ARL5A: variants seen among roughly 807,000 people sequenced by gnomAD.
ARL5A encodes the protein ADP-ribosylation factor-like protein 5A.
Under a neutral mutation model 25.9 loss-of-function variants are expected in ARL5A, and 18 were observed. That is an observed-to-expected ratio of 0.69 (90% CI 0.48 to 1.03). ARL5A has a LOEUF of 1.03. ARL5A is among the 50% of genes least tolerant of loss of function. ARL5A has a pLI of 0.00. For synonymous variants in ARL5A, 61 were observed against 67.5 expected (o/e 0.90, Z 0.47); for missense variants, 170 against 211.9 (o/e 0.80, Z 1.23).
chr2:151,806,702 C>T (rs1170339005), intron 5 of ARL5A, 119 bp downstream of exon 5: 10 of 1,005,610 alleles, frequency 9.9e-6, no homozygotes, highest in Admixed American at 6.4e-5. Flanking sequence ...CTACAGCTTA[C>T]GTCTGTCCCT....
chr2:151,826,368 CACT>C (rs916429740), intron 1 of ARL5A, among the ~76,000 whole-genome samples: 11 of 152,158 alleles, frequency 7.2e-5, no homozygotes, highest in African/African-American at 2.7e-4. Context: ...GTTATAAAAA[CACT>C]ACTATTAGCA....
chr2:151,800,640 G>A lies in ARL5A; in HGVS notation c.*2636C>T, dbSNP rs1480701065. 5 of 152,140 alleles carry A rather than the reference G, an allele frequency of 3.3e-5. No individual in the cohort carries two copies. The highest frequency in any genetic ancestry group is 2.0e-4 in the Admixed American group (3 of 15,276). The allele number at this position is 152,140 out of a possible 1,614,324, so 9.4% of individuals were successfully genotyped here. A position where few individuals can be genotyped will look rare whatever the true frequency, so the allele number is the denominator to read the frequency against. ...CATTATGAGGACCAAGAGGTACTGG[G>A]AAGATAAAGAGAACTGAAAATTTCA... On this transcript the variant is annotated 3_prime_UTR_variant, in exon 6 of 6. Coordinates refer to ENST00000295087, the MANE Select transcript of ARL5A (RefSeq NM_012097.4).
At chr2:151,818,761 T>C (rs540399261) in intron 1 of ARL5A, among the ~76,000 whole-genome samples, 5 of 152,362 alleles carry the variant, frequency 3.3e-5, no homozygotes, top group African/African-American at 1.2e-4. Flanking sequence ...GTTTTATTAA[T>C]ACACGCACTC....
chr2:151,828,062 A>G (rs1329435603), intron 1 of ARL5A, 69 bp downstream of exon 1: 13 of 1,530,466 alleles, frequency 8.5e-6, no homozygotes, highest in African/African-American at 1.4e-5. Flanking sequence ...AAGTATTCGG[A>G]GACCCCCACC....
chr2:151,820,158 G>A (rs916520290), intron 1 of ARL5A, among the ~76,000 whole-genome samples: 1 of 152,194 alleles, frequency 6.6e-6, no homozygotes, highest in African/African-American at 2.4e-5. Context: ...GTTGCCTACT[G>A]AGGAAAGGAA....
In ARL5A at chr2:151,814,211, T is replaced by G. The variant is rs1189090837; in HGVS notation, c.213A>C (p.Glu71Asp). ...AAGTGTTCCAGGAAGAACGAAGAGA[T>G]TCTTGGCCACCAATATCCCACATTA... The part of the protein sequence containing the change: ...RFLMWDIGGQ[E>D]SLRSSWNTYY... The change falls in exon 3 of 6, where the codon GAA (glutamate) becomes GAC (aspartate). Residue 71 changes from glutamate (E) to aspartate (D), a missense_variant. Glu to Asp is a conservative substitution (Grantham distance 45). Transcript: ENST00000295087. 11 of 1,607,310 alleles carry G rather than the reference T, an allele frequency of 6.8e-6. No individual in the cohort carries two copies. The highest frequency in any genetic ancestry group is 8.5e-6 in the Non-Finnish European group (10 of 1,178,032).
Position 151,816,012 on chromosome 2 carries a change from C to T in ARL5A, c.47-813G>A, listed in dbSNP as rs35801458. Among the ~76,000 whole-genome samples, 888 of 152,294 alleles carry T rather than the reference C, an allele frequency of 5.8e-3. 10 individuals are homozygous for T. Among genetic ancestry groups the T allele is most frequent in the Non-Finnish European group, 7.4e-3 (506 of 68,034 alleles). ...TGGCCTCTGGATAGTCATGCCCTTA[C>T]GTAGCCGCCTCCTCTTGAATCTGGG... On this transcript the variant is annotated intron_variant, in intron 1 of 5. Coordinates refer to ENST00000295087, the MANE Select transcript of ARL5A (RefSeq NM_012097.4).
intron 1 of ARL5A, among the ~76,000 whole-genome samples, chr2:151,820,422 G>T (rs958809839): frequency 6.6e-6 from 1 of 152,108 alleles, no homozygotes; most frequent in African/African-American, 2.4e-5. Flanking sequence ...CACTTTGGGG[G>T]GCTGAGGCGG....
intron 1 of ARL5A, among the ~76,000 whole-genome samples, chr2:151,819,693 C>A: frequency 6.6e-6 from 1 of 151,894 alleles, no homozygotes; most frequent in East Asian, 1.9e-4. Flanking sequence ...TGTCCTAATT[C>A]CAAACCTGGT....
In ARL5A at chr2:151,803,057, C is replaced by T. The variant is rs2099829642; in HGVS notation, c.*219G>A. The stretch of plus-strand genomic sequence containing the variant: ...GATTCATTATGAGAAAAATGTCAAT[C>T]ACAGCTTCAATAACTTACTTTGGAA... On this transcript the variant is annotated 3_prime_UTR_variant, in exon 6 of 6. Transcript: ENST00000295087. 2.0e-6 allele frequency: 1 copy of T among 500,818 alleles called. No individual in the cohort carries two copies. Among genetic ancestry groups the T allele is most frequent in the Admixed American group, 3.7e-5 (1 of 26,920 alleles). The allele number at this position is 500,818 out of a possible 1,614,324, so 31.0% of individuals were successfully genotyped here.
intron 1 of ARL5A, 136 bp from the exon 2 acceptor site, chr2:151,815,335 A>G: frequency 1.5e-6 from 1 of 654,604 alleles, no homozygotes; most frequent in Non-Finnish European, 2.6e-6. Flanking sequence ...ACTTTCTCAG[A>G]AGTCAAAAGA....
At position 151,828,196 on chromosome 2, in the gene ARL5A, C is replaced by CG. The variant is rs767938677; in HGVS notation, c.-21_-20insC. 2.4e-4 allele frequency: 382 copies of CG among 1,605,162 alleles called. No individual in the cohort carries two copies. The highest frequency in any genetic ancestry group is 3.1e-4 in the Non-Finnish European group (365 of 1,176,096). On this transcript the variant is annotated 5_prime_UTR_variant, in exon 1 of 6. Coordinates refer to ENST00000295087, the MANE Select transcript of ARL5A (RefSeq NM_012097.4). Reference sequence around the variant, plus strand: ...TCCCATTCTCGGGCAGCGGACCCCCCCCCTCCAGACACCCGGGCCGCCTGG... The same window carrying CG: ...TCCCATTCTCGGGCAGCGGACCCCCCGCCCTCCAGACACCCGGGCCGCCTGG...
At chr2:151,811,791 T>C (rs189778978) in intron 4 of ARL5A, among the ~76,000 whole-genome samples, 8 of 152,260 alleles carry the variant, frequency 5.3e-5, no homozygotes, top group African/African-American at 1.9e-4. Flanking sequence ...CAGCTGGTCT[T>C]GAACTCTTGG....
intron 4 of ARL5A, among the ~76,000 whole-genome samples, chr2:151,811,032 T>A (rs995172802): frequency 1.2e-4 from 18 of 152,148 alleles, no homozygotes; most frequent in Admixed American, 3.3e-4. Context: ...ATCTGGCGAA[T>A]GAACACAGAA....
chr2:151,828,332 GAA>G lies in ARL5A; in HGVS notation c.-158_-157del. ...GCTTCCAGGGAACCGGAGGGAGGCC[GAA>G]GCCCAGGCCGCCCTGCCGCGCGCAA... On this transcript the variant is annotated 5_prime_UTR_variant, in exon 1 of 6. An upstream open reading frame in the 5' UTR loses its in-frame stop. Transcript: ENST00000295087. The G allele has an allele frequency of 1.6e-6, 1 of 616,882 alleles. No homozygotes were observed. The highest frequency in any genetic ancestry group is 2.6e-6 in the Non-Finnish European group (1 of 378,480). 38.2% of individuals were successfully genotyped at this position (616,882 alleles called of 1,614,324 possible).
chr2:151,817,781 G>A (rs865858569), intron 1 of ARL5A, among the ~76,000 whole-genome samples: 8 of 152,112 alleles, frequency 5.3e-5, no homozygotes, highest in Admixed American at 2.6e-4. Context: ...GCCGTCGGGT[G>A]GATCACCTGA....
In ARL5A at chr2:151,804,974, CTT is replaced by C. The variant is rs1427472283; in HGVS notation, c.492-1652_492-1651del. Among the ~76,000 whole-genome samples, 4 of 152,232 alleles carry C rather than the reference CTT, an allele frequency of 2.6e-5. No individual in the cohort carries two copies. In the East Asian group the frequency reaches 7.7e-4, roughly 29 times the overall value. Reference sequence around the variant, plus strand: ...TTTTTAAAACAAAATTGCTTTACCTCTTTTTAAAATGAAATTGAGTTAATATC... The same window carrying C: ...TTTTTAAAACAAAATTGCTTTACCTCTTTAAAATGAAATTGAGTTAATATC... On this transcript the variant is annotated intron_variant, in intron 5 of 5. Transcript: ENST00000295087.
intron 1 of ARL5A, among the ~76,000 whole-genome samples, chr2:151,825,790 C>A (rs1224347490): frequency 6.6e-6 from 1 of 150,554 alleles, no homozygotes; most frequent in African/African-American, 2.4e-5. Flanking sequence ...CAAGAGCATC[C>A]AACACATATC....
chr2:151,803,722 C>T (rs1012381849), intron 5 of ARL5A, among the ~76,000 whole-genome samples: 1 of 152,208 alleles, frequency 6.6e-6, no homozygotes, highest in Admixed American at 6.5e-5. Context: ...ACCCAGAACG[C>T]TGTCTGACAC....
Sources: gnomAD v4.1 joint callset for allele counts (sites outside exome capture counted in the v4.1 genomes callset) on GRCh38, gnomAD v4.1.1 for gene constraint, MANE v1.5 for transcripts, NCBI Gene and HGNC (gene_info 2026-07-23, HGNC 2026-07-21) for gene names.